The following PKHD1 variants were observed in gnomAD, a reference collection of about 807,000 sequenced individuals.
PKHD1 encodes the protein PKHD1 ciliary IPT domain containing fibrocystin/polyductin, also known as fibrocystin.
A neutral mutation model predicts 412.0 loss-of-function variants in PKHD1; 291 were observed. The observed-to-expected ratio is 0.71, with a 90% CI of 0.64 to 0.78. The LOEUF (loss-of-function observed/expected upper bound fraction) is 0.78. PKHD1 is among the 30% of genes least tolerant of loss of function. The pLI is 0.00. For synonymous variants in PKHD1, 1,777 were observed against 1,821.5 expected, an observed-to-expected ratio of 0.98 and a Z score of 0.62; for missense variants, 4,825 against 4,950.7, an observed-to-expected ratio of 0.97 and a Z score of 0.76.
At chr6:51,893,308 C>A in intron 43 of PKHD1, among the ~76,000 whole-genome samples, 1 of 152,200 alleles carries the variant, frequency 6.6e-6, no homozygotes, top group Non-Finnish European at 1.5e-5. Flanking sequence ...TCAGAAAGCA[C>A]GTGTTTCCCT....
At chr6:51,940,598 T>C (rs1788340390) in intron 36 of PKHD1, among the ~76,000 whole-genome samples, 1 of 151,746 alleles carries the variant, frequency 6.6e-6, no homozygotes. Flanking sequence ...CCTGGAACTC[T>C]GGCCCAAGGC....
Position 52,064,972 on chromosome 6 carries a change from A to G in PKHD1, c.959T>C (p.Leu320Pro). ...TTCCTTACCTGGCTGAGGGGTGGTG[A>G]GCCTCACATCTTTTCCTGGAGCCCG... is the stretch of plus-strand genomic sequence containing the variant. ...TTRAPGKDVR[L>P]TTPQPGNRGL... The change falls in exon 13 of 67, where the codon CTC (leucine) becomes CCC (proline). Residue 320 changes from leucine (L) to proline (P), a missense_variant. Coordinates refer to ENST00000371117, the MANE Select transcript of PKHD1 (RefSeq NM_138694.4). The G allele has an allele frequency of 6.3e-7, 1 of 1,598,596 alleles. No homozygotes were observed. The highest frequency in any genetic ancestry group is 8.5e-7 in the Non-Finnish European group (1 of 1,172,294).
At position 52,055,655 on chromosome 6, in the gene PKHD1, G is replaced by A; in HGVS notation, c.1768C>T (p.Gln590Ter). The change falls in exon 19 of 67, where the codon CAG becomes TAG. Residue 590 changes from glutamine to a stop codon, truncating the protein, a stop_gained. Transcript: ENST00000371117. LOFTEE classifies it high-confidence loss of function. The stretch of plus-strand genomic sequence containing the variant: ...GGAGTAAGGACAAGGTGTCGAGGCT[G>A]ACGGAGGCTGAACCTGCCACAGAAG... The part of the protein sequence containing the change: ...EPFCGRFSLR[Q>*]PRHLVLTPPA... 1 of 1,613,738 alleles carries A rather than the reference G, an allele frequency of 6.2e-7. No homozygotes were observed. The highest frequency in any genetic ancestry group is 1.3e-5 in the African/African-American group (1 of 75,038).
chr6:52,056,200 G>A (rs532736955), intron 18 of PKHD1, among the ~76,000 whole-genome samples: 5 of 152,240 alleles, frequency 3.3e-5, no homozygotes, highest in African/African-American at 1.2e-4. Context: ...AGCAGGATAC[G>A]GAAAACTATT....
intron 27 of PKHD1, among the ~76,000 whole-genome samples, chr6:52,039,583 C>T (rs376153190): frequency 1.3e-5 from 2 of 152,226 alleles, no homozygotes; most frequent in African/African-American, 2.4e-5. Flanking sequence ...ATAAACTTTC[C>T]GGTCTCAGGT....
chr6:51,672,145 C>T (rs1215641276), intron 60 of PKHD1, among the ~76,000 whole-genome samples: 3 of 152,140 alleles, frequency 2.0e-5, no homozygotes, highest in Admixed American at 1.3e-4. Context: ...GTTCATAACA[C>T]AGTGTGACCT....
intron 60 of PKHD1, among the ~76,000 whole-genome samples, chr6:51,715,479 T>C (rs2150786638): frequency 6.6e-6 from 1 of 152,294 alleles, no homozygotes; most frequent in Admixed American, 6.5e-5. Context: ...CTAGTATGCC[T>C]AGAATTAAAA....
chr6:51,667,613 C>G (rs1774059667), intron 60 of PKHD1, among the ~76,000 whole-genome samples: 1 of 151,864 alleles, frequency 6.6e-6, no homozygotes, highest in South Asian at 2.1e-4. Flanking sequence ...GACATGAAGT[C>G]CTTGCCCATG....
intron 36 of PKHD1, among the ~76,000 whole-genome samples, chr6:51,942,425 T>C (rs1583487557): frequency 6.6e-6 from 1 of 151,862 alleles, no homozygotes; most frequent in East Asian, 1.9e-4. Context: ...TAACTCACTC[T>C]CTATAGTTCT....
At chr6:52,051,035 C>T (rs993398330) in intron 21 of PKHD1, among the ~76,000 whole-genome samples, 1 of 152,246 alleles carries the variant, frequency 6.6e-6, no homozygotes, top group African/African-American at 2.4e-5. Flanking sequence ...TTAAGGGCAA[C>T]ACCTTTGTCT....
At chr6:52,061,868 G>A (rs1460354391) in intron 14 of PKHD1, among the ~76,000 whole-genome samples, 3 of 152,120 alleles carry the variant, frequency 2.0e-5, no homozygotes, top group African/African-American at 4.8e-5. Flanking sequence ...AGGAAACAGT[G>A]TGTCTAAGCA....
intron 65 of PKHD1, among the ~76,000 whole-genome samples, chr6:51,631,720 AAGAT>A (rs1173663288): frequency 6.6e-6 from 1 of 152,062 alleles, no homozygotes; most frequent in Non-Finnish European, 1.5e-5. Flanking sequence ...CCTCCACTCT[AAGAT>A]AGAAAGAAGC....
intron 60 of PKHD1, among the ~76,000 whole-genome samples, chr6:51,668,336 T>G (rs1045700267): frequency 3.4e-4 from 51 of 152,020 alleles, no homozygotes; most frequent in African/African-American, 5.8e-4. Context: ...TCATGATTTG[T>G]TTCTCTGTTT....
intron 39 of PKHD1, among the ~76,000 whole-genome samples, chr6:51,910,019 C>T (rs577451368): frequency 1.1e-3 from 167 of 152,264 alleles, no homozygotes; most frequent in Non-Finnish European, 1.6e-3. Context: ...CACCTACTTC[C>T]CCAGCTGTGC....
chr6:51,792,437 A>T (rs955363374), intron 52 of PKHD1, among the ~76,000 whole-genome samples: 2 of 152,314 alleles, frequency 1.3e-5, no homozygotes, highest in Non-Finnish European at 1.5e-5. Flanking sequence ...AAGCAAATTA[A>T]CTTGTCATGA....
In PKHD1 at chr6:51,809,683, T is replaced by G. The variant is rs552482609; in HGVS notation, c.8303-18310A>C. On this transcript the variant is annotated intron_variant, in intron 52 of 66. Coordinates refer to ENST00000371117, the MANE Select transcript of PKHD1 (RefSeq NM_138694.4). The stretch of plus-strand genomic sequence containing the variant: ...CCTATTTAGCAAGGTTTTCAGGGGG[T>G]TTTTCTTCACATGACATATGAATTT... 2.6e-5 allele frequency among the ~76,000 whole-genome samples: 4 copies of G among 151,890 alleles called. No homozygotes were observed. The South Asian group carries it at 8.3e-4, about 32-fold the overall frequency.
intron 43 of PKHD1, among the ~76,000 whole-genome samples, chr6:51,892,311 C>T (rs1562548094): frequency 6.6e-6 from 1 of 152,174 alleles, no homozygotes; most frequent in Admixed American, 6.5e-5. Context: ...GAATCAGGTC[C>T]ATTTCTAAGA....
chr6:52,077,180 G>A (rs973938285), intron 5 of PKHD1, among the ~76,000 whole-genome samples: 1 of 152,168 alleles, frequency 6.6e-6, no homozygotes. Flanking sequence ...CCCAATCTGG[G>A]ATGACTGATA....
At chr6:51,958,814 TACACACAC>T (rs112637668) in intron 36 of PKHD1, among the ~76,000 whole-genome samples, 7 of 149,540 alleles carry the variant, frequency 4.7e-5, no homozygotes, top group African/African-American at 1.2e-4. Context: ...AGCCACTAGC[TACACACAC>T]ACACACACAC....
Sources: allele counts gnomAD v4.1 joint callset (sites outside exome capture counted in the v4.1 genomes callset), GRCh38; gene constraint gnomAD v4.1.1; transcripts MANE v1.5; gene names NCBI Gene and HGNC (gene_info 2026-07-23, HGNC 2026-07-21).